CCDC163: variants seen among roughly 807,000 people sequenced by gnomAD.
The protein encoded by CCDC163 is CCDC163 homolog, also known as transmembrane protein CCDC163.
In CCDC163, 13 loss-of-function variants were observed where a neutral mutation model predicts 8.2. That is an observed-to-expected ratio of 1.59 (90% CI 1.04 to 2.54). The LOEUF (loss-of-function observed/expected upper bound fraction) is 2.54, where lower values mean the gene tolerates loss of function less well. CCDC163 is among the 30% of genes most tolerant of loss of function. The pLI, the probability that CCDC163 is intolerant of heterozygous loss-of-function variation, is 0.00. For synonymous variants in CCDC163, 41 were observed against 30.9 expected (o/e 1.33, Z -1.08); for missense variants, 117 against 78.6 (o/e 1.49, Z -1.85).
intron 4 of CCDC163, chr1:45,495,534 T>C: frequency 1.4e-6 from 1 of 702,514 alleles, no homozygotes. Context: ...TTGGACAACA[T>C]GAATGGAGAT....
chr1:45,496,316 C>A, intron 4 of CCDC163: 1 of 608,616 alleles, frequency 1.6e-6, no homozygotes, highest in East Asian at 3.1e-5. Context: ...TCTCCCTCCC[C>A]ATGACTGTCC....
At chr1:45,495,745 C>T (rs1467061027) in intron 4 of CCDC163, among the ~76,000 whole-genome samples, 1 of 149,622 alleles carries the variant, frequency 6.7e-6, no homozygotes, top group Non-Finnish European at 1.5e-5. Context: ...CAGTTTACTG[C>T]AACCTCCACC....
rs1479014235 is a variant in CCDC163, at chr1:45,499,762, A to G, written c.-153T>C. 4.9e-6 allele frequency: 3 copies of G among 617,494 alleles called. No individual in the cohort carries two copies. The highest frequency in any genetic ancestry group is 1.8e-5 in the African/African-American group (1 of 54,056). 38.3% of individuals were successfully genotyped at this position (617,494 alleles called of 1,614,324 possible). On this transcript the variant is annotated 5_prime_UTR_variant, in exon 1 of 5. Transcript: ENST00000629482. Reference sequence around the variant, plus strand: ...CAACACTGGGGTAGGTGGATGCACTATCAGACCAAAACTGCGATCCTGTGA... The same window carrying G: ...CAACACTGGGGTAGGTGGATGCACTGTCAGACCAAAACTGCGATCCTGTGA...
In CCDC163 at chr1:45,499,462, C is replaced by T; in HGVS notation, c.79-19G>A. 1.3e-6 allele frequency: 1 copy of T among 778,276 alleles called. No individual in the cohort carries two copies. Among genetic ancestry groups the T allele is most frequent in the Non-Finnish European group, 2.4e-6 (1 of 416,790 alleles). The allele number at this position is 778,276 out of a possible 1,614,324, so 48.2% of individuals were successfully genotyped here. ...GCCACTGCTACAAAAGAAACAGATG[C>T]ACAGGCCAATGAACTCTGAGAGTCC... On this transcript the variant is annotated intron_variant, in intron 1 of 4. Transcript: ENST00000629482.
intron 2 of CCDC163, chr1:45,498,315 T>G (rs1230073139): frequency 6.7e-6 from 1 of 148,844 alleles, no homozygotes; most frequent in Non-Finnish European, 1.4e-5. Context: ...TGACCTTCCC[T>G]CCACTATTGT....
intron 2 of CCDC163, chr1:45,498,579 C>T (rs1199033066): frequency 6.5e-6 from 1 of 153,020 alleles, no homozygotes; most frequent in African/African-American, 2.4e-5. Context: ...CTCAGCTCCT[C>T]CAGGCATTGC....
rs780530194 is a variant in CCDC163, at chr1:45,499,336, A to T, written c.177+9T>A. The T allele has an allele frequency of 1.3e-6, 1 of 771,180 alleles. No homozygotes were observed. The highest frequency in any genetic ancestry group is 2.4e-6 in the Non-Finnish European group (1 of 413,444). 47.8% of individuals were successfully genotyped at this position (771,180 alleles called of 1,614,324 possible). A position where few individuals can be genotyped will look rare whatever the true frequency, so the allele number is the denominator to read the frequency against. On this transcript the variant is annotated intron_variant, in intron 2 of 4. Coordinates refer to ENST00000629482, the MANE Select transcript of CCDC163 (RefSeq NM_001102601.3). ...AAAGGGCTTGGAAGTAGAAAGAGAC[A>T]TTACTTACCTGCGGTGGAGACCCCA...
Position 45,494,990 on chromosome 1 carries a change from G to A in CCDC163, c.*69C>T. ...GGTAGGGGCGGGCAGCCCAGAAACA[G>A]GGCCTTGGAGGGGAGGGTGGGCAAA... On this transcript the variant is annotated 3_prime_UTR_variant, in exon 5 of 5. Coordinates refer to ENST00000629482, the MANE Select transcript of CCDC163 (RefSeq NM_001102601.3). 2 of 777,542 alleles carry A rather than the reference G, an allele frequency of 2.6e-6. No homozygotes were observed. The highest frequency in any genetic ancestry group is 4.9e-5 in the East Asian group (2 of 41,198). 48.2% of individuals were successfully genotyped at this position (777,542 alleles called of 1,614,324 possible).
In CCDC163 at chr1:45,493,926, A is replaced by G. The variant is rs1653857054; in HGVS notation, c.*1133T>C. ...AAAATATCAGTGTATCACTCCCACT[A>G]AGGATAAAAATTAAATCATAACATT... On this transcript the variant is annotated 3_prime_UTR_variant, in exon 5 of 5. Coordinates refer to ENST00000629482, the MANE Select transcript of CCDC163 (RefSeq NM_001102601.3). The G allele has an allele frequency of 6.6e-6, 1 of 152,230 alleles. No individual in the cohort carries two copies. Among genetic ancestry groups the G allele is most frequent in the South Asian group, 2.1e-4 (1 of 4,832 alleles). 9.4% of individuals were successfully genotyped at this position (152,230 alleles called of 1,614,324 possible). A position where few individuals can be genotyped will look rare whatever the true frequency, so the allele number is the denominator to read the frequency against.
rs1408854422 is a variant in CCDC163 at position 45,496,577 on chromosome 1, C to G, written c.309G>C (p.Gln103His). 3.8e-6 allele frequency: 3 copies of G among 780,688 alleles called. No individual in the cohort carries two copies. The highest frequency in any genetic ancestry group is 7.2e-6 in the Non-Finnish European group (3 of 417,932). The allele number at this position is 780,688 out of a possible 1,614,324, so 48.4% of individuals were successfully genotyped here. A position where few individuals can be genotyped will look rare whatever the true frequency, so the allele number is the denominator to read the frequency against. ...LLLKQLAEGR[Q>H]AQVGSWKIPR... ...CTACCTTCCAACTGCCAACCTGAGC[C>G]TGTCGTCCCTCAGCCAGCTGTTTCA... The change falls in exon 4 of 5, where the codon CAG becomes CAC. Residue 103 changes from glutamine (Q) to histidine (H), a missense_variant. Gln to His is a conservative substitution (Grantham distance 24). Coordinates refer to ENST00000629482, the MANE Select transcript of CCDC163 (RefSeq NM_001102601.3).
rs1277090952 is a variant in CCDC163 at position 45,499,362 on chromosome 1, A to T, written c.160T>A (p.Leu54Met). 1 of 778,058 alleles carries T rather than the reference A, an allele frequency of 1.3e-6. No homozygotes were observed. The highest frequency in any genetic ancestry group is 2.4e-6 in the Non-Finnish European group (1 of 416,726). 48.2% of individuals were successfully genotyped at this position (778,058 alleles called of 1,614,324 possible). ...CFFCSSGCIF[L>M]GSPPQNSTAV... ...TTACTTACCTGCGGTGGAGACCCCA[A>T]GAAGATACAGCCACTGCTACAGAAG... is the stretch of plus-strand genomic sequence containing the variant. Residue 54 changes from leucine (L) to methionine (M), a missense_variant, in exon 2 of 5, where the codon TTG (leucine) becomes ATG (methionine). By Grantham distance (15) the Leu-to-Met change is conservative. Coordinates refer to ENST00000629482, the MANE Select transcript of CCDC163 (RefSeq NM_001102601.3).
rs1339869840 is a variant in CCDC163 at position 45,494,497 on chromosome 1, TGAG to T, written c.*559_*561del. 2 of 150,108 alleles carry T rather than the reference TGAG, an allele frequency of 1.3e-5. No homozygotes were observed. The highest frequency in any genetic ancestry group is 1.3e-4 in the Admixed American group (2 of 14,980). 9.3% of individuals were successfully genotyped at this position (150,108 alleles called of 1,614,324 possible). A position where few individuals can be genotyped will look rare whatever the true frequency, so the allele number is the denominator to read the frequency against. On this transcript the variant is annotated 3_prime_UTR_variant, in exon 5 of 5. Coordinates refer to ENST00000629482, the MANE Select transcript of CCDC163 (RefSeq NM_001102601.3). ...AAAAAAAAAAGGCAGAAGCTGGAGA[TGAG>T]GAAAGGTAGCCTCCTACTGTCCAGA... is the stretch of plus-strand genomic sequence containing the variant.
intron 2 of CCDC163, 130 bp downstream of exon 2, chr1:45,499,215 G>A (rs944691739): frequency 2.9e-6 from 2 of 688,224 alleles, no homozygotes. Flanking sequence ...GTTAAGTGCA[G>A]GGTCTGTGTG....
At chr1:45,496,458 G>A in intron 4 of CCDC163, 98 bp downstream of exon 4, 1 of 716,688 alleles carries the variant, frequency 1.4e-6, no homozygotes, top group Non-Finnish European at 2.6e-6. Context: ...ACAGGGGCAG[G>A]AGAGGGTATC....
At chr1:45,497,630 G>GCC (rs1654292324) in intron 2 of CCDC163, among the ~76,000 whole-genome samples, 1 of 110,564 alleles carries the variant, frequency 9.0e-6, no homozygotes, top group Admixed American at 1.1e-4. Flanking sequence ...CGAGACTGCA[G>GCC]CCTCTGCCCG....
chr1:45,499,311 A>G (rs1442477269), intron 2 of CCDC163, 34 bp downstream of exon 2: 1 of 749,924 alleles, frequency 1.3e-6, no homozygotes, highest in East Asian at 2.5e-5. Flanking sequence ...ACAGAAAGAG[A>G]AAGGGCTTGG....
Position 45,496,318 on chromosome 1 carries a change from T to C in CCDC163, c.330+238A>G, listed in dbSNP as rs1041846826. Reference sequence around the variant, plus strand: ...AAACCTCTCCCTCTCTCCCTCCCCATGACTGTCCTCTTCAGCACACTTGGA... The same window carrying C: ...AAACCTCTCCCTCTCTCCCTCCCCACGACTGTCCTCTTCAGCACACTTGGA... On this transcript the variant is annotated intron_variant, in intron 4 of 4. Transcript: ENST00000629482. The C allele has an allele frequency of 1.3e-5, 8 of 615,394 alleles. No individual in the cohort carries two copies. The East Asian group carries it at 1.6e-4, about 12-fold the overall frequency. 38.1% of individuals were successfully genotyped at this position (615,394 alleles called of 1,614,324 possible). A position where few individuals can be genotyped will look rare whatever the true frequency, so the allele number is the denominator to read the frequency against.
Position 45,496,589 on chromosome 1 carries a change from A to C in CCDC163, c.297T>G (p.Ala99=). 1 of 780,650 alleles carries C rather than the reference A, an allele frequency of 1.3e-6. No homozygotes were observed. Among genetic ancestry groups the C allele is most frequent in the South Asian group, 1.3e-5 (1 of 74,488 alleles). 48.4% of individuals were successfully genotyped at this position (780,650 alleles called of 1,614,324 possible). The part of the protein sequence containing the change: ...QHQELLLKQL[A]EGRQAQVGSW... ...TGCCAACCTGAGCCTGTCGTCCCTC[A>C]GCCAGCTGTTTCAGCAGCAGCTCCT... The change falls in exon 4 of 5, where the codon GCT becomes GCG. Residue 99 remains alanine, a synonymous_variant. Coordinates refer to ENST00000629482, the MANE Select transcript of CCDC163 (RefSeq NM_001102601.3).
At chr1:45,499,288 A>T in intron 2 of CCDC163, 57 bp downstream of exon 2, 2 of 729,974 alleles carry the variant, frequency 2.7e-6, no homozygotes, top group Non-Finnish European at 5.1e-6. Context: ...TGATACGGGC[A>T]CTGGAGGAAG....
Sources: allele counts gnomAD v4.1 joint callset (sites outside exome capture counted in the v4.1 genomes callset), GRCh38; gene constraint gnomAD v4.1.1; transcripts MANE v1.5; gene names NCBI Gene and HGNC (gene_info 2026-07-23, HGNC 2026-07-21).